KRTAP5-8: variants seen among roughly 807,000 people sequenced by gnomAD.
The protein encoded by KRTAP5-8 is keratin-associated protein 5-8.
In KRTAP5-8, 2 loss-of-function variants were observed where a neutral mutation model predicts 2.7. That is an observed-to-expected ratio of 0.75 (90% CI 0.30 to 2.35). The LOEUF (loss-of-function observed/expected upper bound fraction) is 2.35. Among genes scored for constraint, KRTAP5-8 ranks in the 30% most tolerant of loss-of-function variants. The probability of loss-of-function intolerance (pLI) is 0.12; values close to 1 mark genes in which losing one functional copy is unlikely to be tolerated. For synonymous variants in KRTAP5-8, 62 were observed against 89.1 expected, an observed-to-expected ratio of 0.70 and a Z score of 1.71; for missense variants, 183 against 227.2, an observed-to-expected ratio of 0.81 and a Z score of 1.25.
rs568204689 is a variant in KRTAP5-8 at position 71,538,954 on chromosome 11, G to C, written c.*335G>C. On this transcript the variant is annotated 3_prime_UTR_variant, in exon 1 of 1. Coordinates refer to ENST00000398534, the MANE Select transcript of KRTAP5-8 (RefSeq NM_021046.3). ...AACTGGAATCCTCCGACCTGCTGCC[G>C]CCTCTCCCCGGTCCCTGCAACCTCC... 4.0e-5 allele frequency: 20 copies of C among 506,098 alleles called. No homozygotes were observed. The highest frequency in any genetic ancestry group is 3.7e-4 in the African/African-American group (19 of 51,786). The allele number at this position is 506,098 out of a possible 1,614,324, so 31.4% of individuals were successfully genotyped here.
rs202027946 is a variant in KRTAP5-8 at position 71,538,149 on chromosome 11, A to G, written c.94A>G (p.Ile32Val). The G allele has an allele frequency of 5.4e-3, 8,604 of 1,603,074 alleles. 21 individuals carry two copies. The highest frequency in any genetic ancestry group is 6.7e-3 in the Non-Finnish European group (7,943 of 1,177,130). The stretch of plus-strand genomic sequence containing the variant: ...ATGTGGCTCTAGCTGCTGTGTGCCC[A>G]TCTGCTGCTGCAAGCCCGTGTGCTG... ...GGCGSSCCVP[I>V]CCCKPVCCCV... The change falls in exon 1 of 1, where the codon ATC (isoleucine) becomes GTC (valine). Residue 32 changes from isoleucine (I) to valine (V), a missense_variant. Physicochemically the swap from Ile to Val is conservative, Grantham distance 29 (BLOSUM62 3). Transcript: ENST00000398534.
rs556254891 is a variant in KRTAP5-8, at chr11:71,538,176, T to C, written c.121T>C (p.Cys41Arg). 1.9e-6 allele frequency: 3 copies of C among 1,612,454 alleles called. No homozygotes were observed. The highest frequency in any genetic ancestry group is 4.5e-5 in the East Asian group (2 of 44,812). The change falls in exon 1 of 1, where the codon TGT becomes CGT. Residue 41 changes from cysteine (C) to arginine (R), a missense_variant. Physicochemically the swap from Cys to Arg is radical, Grantham distance 180 (BLOSUM62 -3). This residue lies in a region of KRTAP5-8 where 113 missense variants were observed against 109.3 expected (regional missense o/e 1.03). Coordinates refer to ENST00000398534, the MANE Select transcript of KRTAP5-8 (RefSeq NM_021046.3). ...CTGCTGCTGCAAGCCCGTGTGCTGC[T>C]GTGTGCCAGCCTGTTCCTGCTCCAG... is the stretch of plus-strand genomic sequence containing the variant. ...PICCCKPVCCCVPACSCSSCG... is the reference protein window; with the variant it reads ...PICCCKPVCCRVPACSCSSCG...
chr11:71,538,743 C>T lies in KRTAP5-8; in HGVS notation c.*124C>T, dbSNP rs770364318. On this transcript the variant is annotated 3_prime_UTR_variant, in exon 1 of 1. Coordinates refer to ENST00000398534, the MANE Select transcript of KRTAP5-8 (RefSeq NM_021046.3). ...CCTCCTCTGGACTAAGGCAGCCTAG[C>T]GTCCAGGGCTCAGTACTCAGCTGCT... 3.3e-5 allele frequency: 52 copies of T among 1,574,136 alleles called. No homozygotes were observed. Among genetic ancestry groups the T allele is most frequent in the South Asian group, 6.0e-5 (5 of 83,380 alleles).
In KRTAP5-8 at chr11:71,538,252, C is replaced by T. The variant is rs775350808; in HGVS notation, c.197C>T (p.Ser66Phe). 1 of 1,613,052 alleles carries T rather than the reference C, an allele frequency of 6.2e-7. No homozygotes were observed. The highest frequency in any genetic ancestry group is 1.1e-5 in the South Asian group (1 of 90,996). ...SKGGRGSCGGSKGDCGSCGGS... is the reference protein window; with the variant it reads ...SKGGRGSCGGFKGDCGSCGGS... ...GGGGGCCGTGGCTCCTGTGGGGGCT[C>T]CAAGGGGGACTGTGGCTCCTGTGGG... The change falls in exon 1 of 1, where the codon TCC becomes TTC. Residue 66 changes from serine to phenylalanine, a missense_variant. This residue lies in a region of KRTAP5-8 where 113 missense variants were observed against 109.3 expected (regional missense o/e 1.03). Coordinates refer to ENST00000398534, the MANE Select transcript of KRTAP5-8 (RefSeq NM_021046.3).
Position 71,538,610 on chromosome 11 carries a change from C to A in KRTAP5-8, c.555C>A (p.Cys185Ter). The A allele has an allele frequency of 6.2e-7, 1 of 1,614,252 alleles. No individual in the cohort carries two copies. The highest frequency in any genetic ancestry group is 8.5e-7 in the Non-Finnish European group (1 of 1,180,046). The part of the protein sequence containing the change: ...SSCCVPICCQ[C>*]KI ...GCTGTGTCCCAATTTGCTGCCAGTG[C>A]AAGATCTGAGGCTCTGCCTACAAAT... The change falls in exon 1 of 1, where the codon TGC (cysteine) becomes TGA (stop). Residue 185 changes from cysteine (C) to a stop codon, truncating the protein, a stop_gained. Transcript: ENST00000398534. LOFTEE classifies it high-confidence loss of function.
chr11:71,538,257 G>A lies in KRTAP5-8; in HGVS notation c.202G>A (p.Gly68Arg), dbSNP rs531354782. 77 of 1,613,072 alleles carry A rather than the reference G, an allele frequency of 4.8e-5. No individual in the cohort carries two copies. The East Asian group carries it at 1.7e-3, about 35-fold the overall frequency. Reference protein sequence around the residue: ...GGRGSCGGSKGDCGSCGGSKG... With the variant: ...GGRGSCGGSKRDCGSCGGSKG... ...CCGTGGCTCCTGTGGGGGCTCCAAG[G>A]GGGACTGTGGCTCCTGTGGGGGCTC... Residue 68 changes from glycine to arginine, a missense_variant, in exon 1 of 1, where the codon GGG becomes AGG. Around this residue, in one of 2 missense-constraint regions of KRTAP5-8, gnomAD observed 113 missense variants for 109.3 expected, o/e 1.03. Coordinates refer to ENST00000398534, the MANE Select transcript of KRTAP5-8 (RefSeq NM_021046.3).
chr11:71,538,147 C>T lies in KRTAP5-8; in HGVS notation c.92C>T (p.Pro31Leu), dbSNP rs774517148. 6.9e-6 allele frequency: 11 copies of T among 1,599,150 alleles called. No individual in the cohort carries two copies. Among genetic ancestry groups the T allele is most frequent in the Non-Finnish European group, 9.4e-6 (11 of 1,176,068 alleles). ...GGATGTGGCTCTAGCTGCTGTGTGC[C>T]CATCTGCTGCTGCAAGCCCGTGTGC... ...CGGCGSSCCV[P>L]ICCCKPVCCC... Residue 31 changes from proline (P) to leucine (L), a missense_variant, in exon 1 of 1, where the codon CCC (proline) becomes CTC (leucine). Transcript: ENST00000398534.
rs1163395781 is a variant in KRTAP5-8 at position 71,538,810 on chromosome 11, G to C, written c.*191G>C. On this transcript the variant is annotated 3_prime_UTR_variant, in exon 1 of 1. Transcript: ENST00000398534. ...GAGGGCTTCTGGCATGCTGGGTGCTGCCCATCAACCCTCCCAGAATCCCCT... is the reference window on the plus strand; with the variant it reads ...GAGGGCTTCTGGCATGCTGGGTGCTCCCCATCAACCCTCCCAGAATCCCCT... 8 of 1,191,314 alleles carry C rather than the reference G, an allele frequency of 6.7e-6. No individual in the cohort carries two copies. The East Asian group carries it at 2.0e-4, about 29-fold the overall frequency. 73.8% of individuals were successfully genotyped at this position (1,191,314 alleles called of 1,614,324 possible). A position where few individuals can be genotyped will look rare whatever the true frequency, so the allele number is the denominator to read the frequency against.
At position 71,538,777 on chromosome 11, in the gene KRTAP5-8, G is replaced by C. The variant is rs1330495860; in HGVS notation, c.*158G>C. The C allele has an allele frequency of 6.9e-7, 1 of 1,455,746 alleles. No homozygotes were observed. The highest frequency in any genetic ancestry group is 9.3e-7 in the Non-Finnish European group (1 of 1,071,000). 90.2% of individuals were successfully genotyped at this position (1,455,746 alleles called of 1,614,324 possible). A position where few individuals can be genotyped will look rare whatever the true frequency, so the allele number is the denominator to read the frequency against. ...CTCAGTACTCAGCTGCTCAGCCTCT[G>C]AGGTCATGAGGGCTTCTGGCATGCT... On this transcript the variant is annotated 3_prime_UTR_variant, in exon 1 of 1. Coordinates refer to ENST00000398534, the MANE Select transcript of KRTAP5-8 (RefSeq NM_021046.3).
chr11:71,539,037 T>C lies in KRTAP5-8; in HGVS notation c.*418T>C. 3.1e-6 allele frequency: 1 copy of C among 324,782 alleles called. No individual in the cohort carries two copies. The highest frequency in any genetic ancestry group is 3.9e-5 in the South Asian group (1 of 25,506). 20.1% of individuals were successfully genotyped at this position (324,782 alleles called of 1,614,324 possible). On this transcript the variant is annotated 3_prime_UTR_variant, in exon 1 of 1. Coordinates refer to ENST00000398534, the MANE Select transcript of KRTAP5-8 (RefSeq NM_021046.3). ...GAGCTGCCACAGCTCCGATTGTTTT[T>C]GGAGTTGACCTAGAGGACTCAGAAT... is the stretch of plus-strand genomic sequence containing the variant.
At position 71,539,156 on chromosome 11, in the gene KRTAP5-8, G is replaced by A. The variant is rs1333139285; in HGVS notation, c.*537G>A. Reference sequence around the variant, plus strand: ...GCCTTGTTTCTTTCCCCAGGGCTTCGCCTTGTAAGTGCCTAGGCTGAATCT... The same window carrying A: ...GCCTTGTTTCTTTCCCCAGGGCTTCACCTTGTAAGTGCCTAGGCTGAATCT... On this transcript the variant is annotated 3_prime_UTR_variant, in exon 1 of 1. Transcript: ENST00000398534. 2.6e-5 allele frequency: 5 copies of A among 188,958 alleles called. No individual in the cohort carries two copies. The highest frequency in any genetic ancestry group is 1.6e-4 in the Admixed American group (3 of 18,718). The allele number at this position is 188,958 out of a possible 1,614,324, so 11.7% of individuals were successfully genotyped here.
rs867504282 is a variant in KRTAP5-8, at chr11:71,538,969, C to T, written c.*350C>T. ...ACCTGCTGCCGCCTCTCCCCGGTCC[C>T]TGCAACCTCCTGGCTCCTCCACCCT... On this transcript the variant is annotated 3_prime_UTR_variant, in exon 1 of 1. Coordinates refer to ENST00000398534, the MANE Select transcript of KRTAP5-8 (RefSeq NM_021046.3). 6 of 463,904 alleles carry T rather than the reference C, an allele frequency of 1.3e-5. No individual in the cohort carries two copies. The highest frequency in any genetic ancestry group is 7.4e-5 in the South Asian group (3 of 40,628). 28.7% of individuals were successfully genotyped at this position (463,904 alleles called of 1,614,324 possible).
In KRTAP5-8 at chr11:71,538,234, G is replaced by A. The variant is rs1394393082; in HGVS notation, c.179G>A (p.Arg60His). The A allele has an allele frequency of 1.6e-5, 25 of 1,612,864 alleles. No homozygotes were observed. The highest frequency in any genetic ancestry group is 1.8e-4 in the Middle Eastern group (1 of 5,496). Residue 60 changes from arginine to histidine, a missense_variant, in exon 1 of 1, where the codon CGT becomes CAT. By Grantham distance (29) the Arg-to-His change is conservative (BLOSUM62 0). This residue lies in a region of KRTAP5-8 where 113 missense variants were observed against 109.3 expected (regional missense o/e 1.03). Coordinates refer to ENST00000398534, the MANE Select transcript of KRTAP5-8 (RefSeq NM_021046.3). ...TCCTGTGGGGGCTCCAAGGGGGGCCGTGGCTCCTGTGGGGGCTCCAAGGGG... is the reference window on the plus strand; with the variant it reads ...TCCTGTGGGGGCTCCAAGGGGGGCCATGGCTCCTGTGGGGGCTCCAAGGGG... The part of the protein sequence containing the change: ...CGSCGGSKGG[R>H]GSCGGSKGDC...
At position 71,538,132 on chromosome 11, in the gene KRTAP5-8, C is replaced by G. The variant is rs1415557755; in HGVS notation, c.77C>G (p.Ser26Cys). 13 of 1,611,612 alleles carry G rather than the reference C, an allele frequency of 8.1e-6. No individual in the cohort carries two copies. The highest frequency in any genetic ancestry group is 1.3e-5 in the African/African-American group (1 of 74,636). Reference sequence around the variant, plus strand: ...GGCTCTGGCTGTGGGGGATGTGGCTCTAGCTGCTGTGTGCCCATCTGCTGC... The same window carrying G: ...GGCTCTGGCTGTGGGGGATGTGGCTGTAGCTGCTGTGTGCCCATCTGCTGC... ...GCGSGCGGCG[S>C]SCCVPICCCK... is the part of the protein sequence containing the mutation. The change falls in exon 1 of 1, where the codon TCT (serine) becomes TGT (cysteine). Residue 26 changes from serine to cysteine, a missense_variant. Transcript: ENST00000398534.
In KRTAP5-8 at chr11:71,538,180, T is replaced by G. The variant is rs752230126; in HGVS notation, c.125T>G (p.Val42Gly). ...TGCTGCAAGCCCGTGTGCTGCTGTGTGCCAGCCTGTTCCTGCTCCAGCTGT... is the reference window on the plus strand; with the variant it reads ...TGCTGCAAGCCCGTGTGCTGCTGTGGGCCAGCCTGTTCCTGCTCCAGCTGT... The part of the protein sequence containing the change: ...ICCCKPVCCC[V>G]PACSCSSCGS... The change falls in exon 1 of 1, where the codon GTG becomes GGG. Residue 42 changes from valine to glycine, a missense_variant. Physicochemically the swap from Val to Gly is moderately radical, Grantham distance 109. Around this residue, in one of 2 missense-constraint regions of KRTAP5-8, gnomAD observed 113 missense variants for 109.3 expected, o/e 1.03. Coordinates refer to ENST00000398534, the MANE Select transcript of KRTAP5-8 (RefSeq NM_021046.3). 1 of 1,612,472 alleles carries G rather than the reference T, an allele frequency of 6.2e-7. No individual in the cohort carries two copies. The highest frequency in any genetic ancestry group is 1.1e-5 in the South Asian group (1 of 90,992).
chr11:71,539,206 C>G lies in KRTAP5-8; in HGVS notation c.*587C>G, dbSNP rs555132885. Reference sequence around the variant, plus strand: ...TTCTAAATAAATACGATCCACACCTCCCACGAGTTTGCGTTGTGATTCTTT... The same window carrying G: ...TTCTAAATAAATACGATCCACACCTGCCACGAGTTTGCGTTGTGATTCTTT... On this transcript the variant is annotated 3_prime_UTR_variant, in exon 1 of 1. Coordinates refer to ENST00000398534, the MANE Select transcript of KRTAP5-8 (RefSeq NM_021046.3). 1 of 176,286 alleles carries G rather than the reference C, an allele frequency of 5.7e-6. No individual in the cohort carries two copies. The highest frequency in any genetic ancestry group is 2.4e-5 in the African/African-American group (1 of 41,656). The allele number at this position is 176,286 out of a possible 1,614,324, so 10.9% of individuals were successfully genotyped here.
At position 71,538,420 on chromosome 11, in the gene KRTAP5-8, C is replaced by T; in HGVS notation, c.365C>T (p.Pro122Leu). 1 of 1,611,898 alleles carries T rather than the reference C, an allele frequency of 6.2e-7. No homozygotes were observed. The highest frequency in any genetic ancestry group is 8.5e-7 in the Non-Finnish European group (1 of 1,179,186). ...TGTTCCCAGTCCAGCTGTTGTAAGC[C>T]CTGCAGCTGCTCTTCAGGCTGTGGG... ...PCCSQSSCCKPCSCSSGCGSS... is the reference protein window; with the variant it reads ...PCCSQSSCCKLCSCSSGCGSS... The change falls in exon 1 of 1, where the codon CCC becomes CTC. Residue 122 changes from proline to leucine, a missense_variant. Physicochemically the swap from Pro to Leu is moderately conservative, Grantham distance 98 (BLOSUM62 -3). Coordinates refer to ENST00000398534, the MANE Select transcript of KRTAP5-8 (RefSeq NM_021046.3).
At position 71,538,905 on chromosome 11, in the gene KRTAP5-8, G is replaced by A; in HGVS notation, c.*286G>A. 4.7e-6 allele frequency: 3 copies of A among 637,420 alleles called. No individual in the cohort carries two copies. The highest frequency in any genetic ancestry group is 6.0e-5 in the Admixed American group (2 of 33,214). 39.5% of individuals were successfully genotyped at this position (637,420 alleles called of 1,614,324 possible). A position where few individuals can be genotyped will look rare whatever the true frequency, so the allele number is the denominator to read the frequency against. ...GATCCCACATCCCTGGGCCCCTCCT[G>A]TGAGCCTGCTGGAAACACACTGAAA... On this transcript the variant is annotated 3_prime_UTR_variant, in exon 1 of 1. Transcript: ENST00000398534.
chr11:71,538,218 G>T lies in KRTAP5-8; in HGVS notation c.163G>T (p.Gly55Cys). The stretch of plus-strand genomic sequence containing the variant: ...CTGCTCCAGCTGTGGCTCCTGTGGG[G>T]GCTCCAAGGGGGGCCGTGGCTCCTG... Reference protein sequence around the residue: ...CSCSSCGSCGGSKGGRGSCGG... With the variant: ...CSCSSCGSCGCSKGGRGSCGG... Residue 55 changes from glycine (G) to cysteine (C), a missense_variant, in exon 1 of 1, where the codon GGC becomes TGC. By Grantham distance (159) the Gly-to-Cys change is radical. Around this residue, in one of 2 missense-constraint regions of KRTAP5-8, gnomAD observed 113 missense variants for 109.3 expected, o/e 1.03. Transcript: ENST00000398534. The T allele has an allele frequency of 6.2e-7, 1 of 1,612,650 alleles. No individual in the cohort carries two copies. The highest frequency in any genetic ancestry group is 8.5e-7 in the Non-Finnish European group (1 of 1,179,774).
Sources: allele counts gnomAD v4.1 joint callset, GRCh38; gene constraint gnomAD v4.1.1; regional missense constraint gnomAD v4.1.1; transcripts MANE v1.5; gene names NCBI Gene and HGNC (gene_info 2026-07-23, HGNC 2026-07-21).